The following CSMD1 variants were observed in gnomAD, a reference collection of about 807,000 sequenced individuals.
The protein encoded by CSMD1 is CUB and Sushi multiple domains 1.
Under a neutral mutation model 417.5 loss-of-function variants are expected in CSMD1, and 213 were observed. The observed-to-expected ratio is 0.51, with a 90% CI of 0.46 to 0.57. CSMD1 has a LOEUF of 0.57. Ranked by LOEUF, CSMD1 falls within the 20% of genes least tolerant of loss-of-function variation. The pLI, the probability that CSMD1 is intolerant of heterozygous loss-of-function variation, is 0.00. For synonymous variants in CSMD1, 2,862 were observed against 1,736.8 expected (o/e 1.65, Z -16.11); for missense variants, 6,923 against 4,529.7 (o/e 1.53, Z -15.17).
At chr8:3,271,158 T>C (rs970882545) in intron 26 of CSMD1, among the ~76,000 whole-genome samples, 1 of 146,034 alleles carries the variant, frequency 6.8e-6, no homozygotes, top group African/African-American at 2.5e-5. Flanking sequence ...AGTTCCCACC[T>C]TTGAGTGAGA....
chr8:3,975,565 G>T (rs945199022), intron 5 of CSMD1, among the ~76,000 whole-genome samples: 16 of 152,132 alleles, frequency 1.1e-4, no homozygotes, highest in Non-Finnish European at 2.1e-4. Context: ...GACGGGCAGC[G>T]CTTTATCAGA....
At chr8:4,483,033 G>T (rs1658823) in intron 2 of CSMD1, among the ~76,000 whole-genome samples, 1 of 152,282 alleles carries the variant, frequency 6.6e-6, no homozygotes, top group South Asian at 2.1e-4. Flanking sequence ...CGTCCCCACC[G>T]AAATCTCATC....
chr8:3,310,476 T>C (rs1037484317), intron 23 of CSMD1, among the ~76,000 whole-genome samples: 19 of 152,198 alleles, frequency 1.2e-4, no homozygotes, highest in Non-Finnish European at 1.5e-5. Context: ...CTGGCCACAC[T>C]TGGAGTCCAC....
chr8:3,808,577 T>C (rs903677258), intron 5 of CSMD1, among the ~76,000 whole-genome samples: 1 of 152,202 alleles, frequency 6.6e-6, no homozygotes, highest in Non-Finnish European at 1.5e-5. Context: ...AGAATCCTCA[T>C]GTTTGAAAAT....
chr8:3,413,432 A>G (rs994530443), intron 12 of CSMD1, among the ~76,000 whole-genome samples: 1 of 152,176 alleles, frequency 6.6e-6, no homozygotes, highest in African/African-American at 2.4e-5. Context: ...ATGCATGGCT[A>G]CGGCTGGCCG....
chr8:3,277,347 G>T (rs542534127), intron 26 of CSMD1, among the ~76,000 whole-genome samples: 3 of 152,186 alleles, frequency 2.0e-5, no homozygotes, highest in East Asian at 1.9e-4. Flanking sequence ...GTGCCTGTGC[G>T]CAGGTGGGCC....
chr8:3,753,918 G>T lies in CSMD1; in HGVS notation c.931+12C>A. On this transcript the variant is annotated intron_variant, in intron 6 of 69. Coordinates refer to ENST00000635120, the MANE Select transcript of CSMD1 (RefSeq NM_033225.6). ...TGTTTTTTTTTTTTCTTATAAGATG[G>T]AGCATCCTTACCTTGGAACTGAGCG... 1.3e-6 allele frequency: 2 copies of T among 1,562,298 alleles called. No individual in the cohort carries two copies. The highest frequency in any genetic ancestry group is 1.1e-5 in the South Asian group (1 of 88,816).
rs7814244 is a variant in CSMD1 at position 3,167,336 on chromosome 8, T to C, written c.5726-5059A>G. Among the ~76,000 whole-genome samples, 386 of 149,578 alleles carry C rather than the reference T, an allele frequency of 2.6e-3. 5 individuals carry two copies. Among genetic ancestry groups the C allele is most frequent in the African/African-American group, 9.0e-3 (366 of 40,810 alleles). On this transcript the variant is annotated intron_variant, in intron 37 of 69. Coordinates refer to ENST00000635120, the MANE Select transcript of CSMD1 (RefSeq NM_033225.6). The stretch of plus-strand genomic sequence containing the variant: ...GTGGTTCACAAACTATTAGGTTGGC[T>C]ATCACTTTTAATGGCAAAAACCACA...
At chr8:4,193,373 A>T (rs1271162084) in intron 3 of CSMD1, among the ~76,000 whole-genome samples, 1 of 152,374 alleles carries the variant, frequency 6.6e-6, no homozygotes, top group South Asian at 2.1e-4. Context: ...GTTTAAATGT[A>T]CTGAGTATCA....
chr8:3,998,399 G>A (rs1411215896), intron 4 of CSMD1, among the ~76,000 whole-genome samples: 1 of 152,132 alleles, frequency 6.6e-6, no homozygotes, highest in African/African-American at 2.4e-5. Flanking sequence ...GACATTGATA[G>A]GCAGCCTAAC....
intron 5 of CSMD1, among the ~76,000 whole-genome samples, chr8:3,992,641 G>C (rs765935933): frequency 1.2e-3 from 175 of 152,030 alleles, no homozygotes; most frequent in Non-Finnish European, 1.4e-3. Context: ...TTAAAAATTA[G>C]CCAGGGTTCT....
Position 3,255,256 on chromosome 8 carries a change from G to A in CSMD1, c.4154-25025C>T, listed in dbSNP as rs6994468. On this transcript the variant is annotated intron_variant, in intron 26 of 69. Transcript: ENST00000635120. ...GTTTTTCTCAGGGGTGTACCCAGCC[G>A]TGTGAGGTGTCAGTCTGCCCCTACT... is the stretch of plus-strand genomic sequence containing the variant. 2.5e-3 allele frequency among the ~76,000 whole-genome samples: 381 copies of A among 152,106 alleles called. 1 individual carries two copies. The highest frequency in any genetic ancestry group is 8.1e-3 in the African/African-American group (335 of 41,504).
chr8:3,167,418 T>C (rs771165228), intron 37 of CSMD1, among the ~76,000 whole-genome samples: 1 of 152,160 alleles, frequency 6.6e-6, no homozygotes, highest in African/African-American at 2.4e-5. Flanking sequence ...CCTGATTAAA[T>C]GTGAAGACAA....
At chr8:4,484,545 G>T (rs74623573) in intron 2 of CSMD1, among the ~76,000 whole-genome samples, 1 of 152,012 alleles carries the variant, frequency 6.6e-6, no homozygotes, top group African/African-American at 2.4e-5. Flanking sequence ...CCCACACTCA[G>T]AGTCATACTG....
At chr8:3,247,451 C>A (rs1027126508) in intron 26 of CSMD1, among the ~76,000 whole-genome samples, 1 of 152,196 alleles carries the variant, frequency 6.6e-6, no homozygotes, top group Admixed American at 6.5e-5. Context: ...CAAACCATTT[C>A]AGATACAAGC....
Position 3,585,655 on chromosome 8 carries a change from A to G in CSMD1, c.1222+481T>C, listed in dbSNP as rs74641602. The stretch of plus-strand genomic sequence containing the variant: ...TGATGAATATTTTACTCTGCTAACT[A>G]TGTTAGAGATTAAAGATCATTTATT... On this transcript the variant is annotated intron_variant, in intron 9 of 69. Transcript: ENST00000635120. Among the ~76,000 whole-genome samples the G allele has an allele frequency of 2.6e-5, 4 of 152,316 alleles. No homozygotes were observed. The East Asian group carries it at 7.7e-4, about 29-fold the overall frequency.
At chr8:4,082,062 A>C (rs1423441732) in intron 3 of CSMD1, among the ~76,000 whole-genome samples, 1 of 152,148 alleles carries the variant, frequency 6.6e-6, no homozygotes, top group Non-Finnish European at 1.5e-5. Flanking sequence ...TTTTAGGGGA[A>C]AGATTAATTG....
chr8:3,485,348 G>C (rs1411400287), intron 11 of CSMD1, among the ~76,000 whole-genome samples: 5 of 152,112 alleles, frequency 3.3e-5, no homozygotes, highest in Non-Finnish European at 5.9e-5. Context: ...CAAATTTTTA[G>C]AGCTGGAGTG....
rs117348288 is a variant in CSMD1, at chr8:3,845,185, C to A, written c.819-91143G>T. Among the ~76,000 whole-genome samples, 4 of 152,210 alleles carry A rather than the reference C, an allele frequency of 2.6e-5. No individual in the cohort carries two copies. The South Asian group carries it at 8.3e-4, about 32-fold the overall frequency. On this transcript the variant is annotated intron_variant, in intron 5 of 69. Coordinates refer to ENST00000635120, the MANE Select transcript of CSMD1 (RefSeq NM_033225.6). ...TTTATGGGAATTAGAAAACACATAC[C>A]GTTAGGAAAATAGTGCAACTATGCA...
Sources: gnomAD v4.1 joint callset for allele counts (sites outside exome capture counted in the v4.1 genomes callset) on GRCh38, gnomAD v4.1.1 for gene constraint, MANE v1.5 for transcripts, NCBI Gene and HGNC (gene_info 2026-07-23, HGNC 2026-07-21) for gene names.